CAPN3: variants seen among roughly 807,000 people sequenced by gnomAD.
CAPN3 encodes the protein calpain-3.
In CAPN3, 88 loss-of-function variants were observed where a neutral mutation model predicts 114.0. The observed-to-expected ratio is 0.77, with a 90% confidence interval of 0.65 to 0.92. The LOEUF (loss-of-function observed/expected upper bound fraction) is 0.92. Ranked by LOEUF, CAPN3 falls within the 40% of genes least tolerant of loss-of-function variation. The pLI, the probability that CAPN3 is intolerant of heterozygous loss-of-function variation, is 0.00. For synonymous variants in CAPN3, 386 were observed against 382.9 expected (o/e 1.01, Z -0.09); for missense variants, 1,028 against 1,069.0 (o/e 0.96, Z 0.53).
chr15:42,392,534 G>A, intron 6 of CAPN3, 105 bp from the exon 7 acceptor site: 2 of 843,106 alleles, frequency 2.4e-6, no homozygotes, highest in South Asian at 1.4e-5. Context: ...AGAGTGGTCT[G>A]TGTCTTCACA....
rs368818638 is a variant in CAPN3 at position 42,380,493 on chromosome 15, A to G, written c.310-3990A>G. Among the ~76,000 whole-genome samples, 391 of 139,122 alleles carry G rather than the reference A, an allele frequency of 2.8e-3. 3 individuals are homozygous for G. Among genetic ancestry groups the G allele is most frequent in the African/African-American group, 9.1e-3 (337 of 36,958 alleles). 91.3% of individuals were successfully genotyped at this position (139,122 alleles called of 152,430 possible). A position where few individuals can be genotyped will look rare whatever the true frequency, so the allele number is the denominator to read the frequency against. Reference sequence around the variant, plus strand: ...CCTCTTGAGCTCAAGCAATCCTCCTATCTCAGCCTCCTGAGTAGCTGGGAC... The same window carrying G: ...CCTCTTGAGCTCAAGCAATCCTCCTGTCTCAGCCTCCTGAGTAGCTGGGAC... On this transcript the variant is annotated intron_variant, in intron 1 of 23. Coordinates refer to ENST00000397163, the MANE Select transcript of CAPN3 (RefSeq NM_000070.3).
At chr15:42,399,999 G>A (rs146226841) in intron 10 of CAPN3, among the ~76,000 whole-genome samples, 3 of 152,112 alleles carry the variant, frequency 2.0e-5, no homozygotes, top group African/African-American at 7.2e-5. Flanking sequence ...AAACATGCTC[G>A]GAACACTGAC....
At chr15:42,373,330 G>A (rs1478499359) in intron 1 of CAPN3, among the ~76,000 whole-genome samples, 1 of 152,236 alleles carries the variant, frequency 6.6e-6, no homozygotes, top group East Asian at 1.9e-4. Context: ...CTGGGAATCT[G>A]TATTTTCAAC....
intron 1 of CAPN3, among the ~76,000 whole-genome samples, chr15:42,375,320 T>C (rs1197686228): frequency 1.3e-5 from 2 of 152,110 alleles, no homozygotes; most frequent in Non-Finnish European, 2.9e-5. Context: ...TGTTCATTCA[T>C]GTGCTGTCGC....
At chr15:42,361,952 C>T (rs189934704) in intron 1 of CAPN3, among the ~76,000 whole-genome samples, 131 of 152,342 alleles carry the variant, frequency 8.6e-4, no homozygotes, top group African/African-American at 3.1e-3. Context: ...CTGATTTCCT[C>T]TCACTGAGAG....
At chr15:42,379,351 ATG>A (rs1229496692) in intron 1 of CAPN3, among the ~76,000 whole-genome samples, 1 of 152,116 alleles carries the variant, frequency 6.6e-6, no homozygotes, top group Non-Finnish European at 1.5e-5. Context: ...ATGGCTCAGA[ATG>A]TGTTCTGTCT....
intron 16 of CAPN3, 150 bp from the exon 17 acceptor site, chr15:42,409,153 A>G: frequency 1.4e-6 from 1 of 708,108 alleles, no homozygotes. Context: ...ATCTCACTCC[A>G]GCTCACCAGG....
chr15:42,366,909 C>G (rs1474665825), intron 1 of CAPN3, among the ~76,000 whole-genome samples: 1 of 149,074 alleles, frequency 6.7e-6, no homozygotes, highest in African/African-American at 2.5e-5. Flanking sequence ...GCTCAGCTCA[C>G]TGCAACCTCC....
chr15:42,399,515 A>G lies in CAPN3; in HGVS notation c.1217A>G (p.Tyr406Cys). 6.2e-7 allele frequency: 1 copy of G among 1,613,596 alleles called. No homozygotes were observed. The highest frequency in any genetic ancestry group is 1.1e-5 in the South Asian group (1 of 91,058). The change falls in exon 10 of 24, where the codon TAC (tyrosine) becomes TGC (cysteine). Residue 406 changes from tyrosine to cysteine, a missense_variant. By Grantham distance (194) the Tyr-to-Cys change is radical. Transcript: ENST00000397163. ...AGGATGTCCTATGAGGATTTCATCT[A>G]CCATTTCACAAAGTTGGAGATCTGC... is the stretch of plus-strand genomic sequence containing the variant. ...EFWMSYEDFI[Y>C]HFTKLEICNL...
At chr15:42,404,905 G>A (rs778427279) in intron 14 of CAPN3, 46 of 1,020,062 alleles carry the variant, frequency 4.5e-5, no homozygotes, top group Non-Finnish European at 5.4e-5. Flanking sequence ...TCGGTGTGCA[G>A]TATTGATCAG....
chr15:42,360,201 T>C (rs2052604905), intron 1 of CAPN3, 87 bp downstream of exon 1: 1 of 1,408,414 alleles, frequency 7.1e-7, no homozygotes, highest in Non-Finnish European at 1.0e-6. Context: ...GCTGTGCACA[T>C]GGGCACTGGG....
chr15:42,360,656 AAGAG>A lies in CAPN3; in HGVS notation c.309+550_309+553del, dbSNP rs28364373. ...TTTCATGCATAAAATGTTGGGGTTAAAGAGAGAGAGACCTAGCAATCGCTTTTGT... is the reference window on the plus strand; with the variant it reads ...TTTCATGCATAAAATGTTGGGGTTAAAGAGAGACCTAGCAATCGCTTTTGT... On this transcript the variant is annotated intron_variant, in intron 1 of 23. Coordinates refer to ENST00000397163, the MANE Select transcript of CAPN3 (RefSeq NM_000070.3). Among the ~76,000 whole-genome samples, 6 of 152,306 alleles carry A rather than the reference AAGAG, an allele frequency of 3.9e-5. No individual in the cohort carries two copies. In the South Asian group the frequency reaches 6.2e-4, roughly 16 times the overall value.
At position 42,411,598 on chromosome 15, in the gene CAPN3, A is replaced by T. The variant is rs2054239347; in HGVS notation, c.2440-149A>T. ...CTTAGGGAAGATCTAGGAGAAAGGAAACAGTAAGCCACTGCTTCTTGGAAA... is the reference window on the plus strand; with the variant it reads ...CTTAGGGAAGATCTAGGAGAAAGGATACAGTAAGCCACTGCTTCTTGGAAA... On this transcript the variant is annotated intron_variant, in intron 23 of 23. Coordinates refer to ENST00000397163, the MANE Select transcript of CAPN3 (RefSeq NM_000070.3). 17 of 731,416 alleles carry T rather than the reference A, an allele frequency of 2.3e-5. 1 individual carries two copies. The South Asian group carries it at 2.5e-4, about 11-fold the overall frequency. 45.3% of individuals were successfully genotyped at this position (731,416 alleles called of 1,614,324 possible).
At position 42,409,787 on chromosome 15, in the gene CAPN3, G is replaced by A; in HGVS notation, c.1993G>A (p.Asp665Asn). Residue 665 changes from aspartate (D) to asparagine (N), a missense_variant and splice_region_variant, in exon 18 of 24, where the codon GAC (aspartate) becomes AAC (asparagine). Asp to Asn is a conservative substitution (Grantham distance 23). Transcript: ENST00000397163. ...GACCCTCCTCTCCCTTCCTCCTCAG[G>A]ACATGGAGATCTGTGCAGATGAGCT... The part of the protein sequence containing the change: ...RNIFKQIAGD[D>N]MEICADELKK... 6.3e-7 allele frequency: 1 copy of A among 1,590,460 alleles called. No individual in the cohort carries two copies. Among genetic ancestry groups the A allele is most frequent in the Non-Finnish European group, 8.6e-7 (1 of 1,167,584 alleles).
intron 1 of CAPN3, 38 bp from the exon 2 acceptor site, chr15:42,384,445 T>C: frequency 6.9e-7 from 1 of 1,439,944 alleles, no homozygotes; most frequent in Non-Finnish European, 9.8e-7. Context: ...GTCTATCTAC[T>C]GTTATTCTTA....
chr15:42,405,503 G>A (rs1595841445), intron 14 of CAPN3, among the ~76,000 whole-genome samples: 1 of 151,952 alleles, frequency 6.6e-6, no homozygotes, highest in Non-Finnish European at 1.5e-5. Flanking sequence ...GTCGAGATGG[G>A]GTTTCACCAT....
At chr15:42,390,188 C>G in intron 6 of CAPN3, 92 bp downstream of exon 6, 1 of 1,403,630 alleles carries the variant, frequency 7.1e-7, no homozygotes, top group Non-Finnish European at 1.0e-6. Flanking sequence ...CAGCCAGGGC[C>G]TTACCCACAC....
chr15:42,396,795 A>G lies in CAPN3; in HGVS notation c.1116-5A>G, dbSNP rs28364467. On this transcript the variant is annotated splice_polypyrimidine_tract_variant and splice_region_variant and intron_variant, in intron 8 of 23. Coordinates refer to ENST00000397163, the MANE Select transcript of CAPN3 (RefSeq NM_000070.3). ...GCTTCCTTAATTCCTCCATTTTCCCACCAGATGGAAGGACTGGAGCTTTGT... is the reference window on the plus strand; with the variant it reads ...GCTTCCTTAATTCCTCCATTTTCCCGCCAGATGGAAGGACTGGAGCTTTGT... 3,140 of 1,611,658 alleles carry G rather than the reference A, an allele frequency of 1.9e-3. 58 individuals are homozygous for G. The African/African-American group carries it at 0.038, about 20-fold the overall frequency.
intron 3 of CAPN3, 130 bp downstream of exon 3, chr15:42,386,415 A>G: frequency 1.3e-6 from 1 of 773,178 alleles, no homozygotes; most frequent in Admixed American, 1.7e-5. Context: ...GTCGGCATGG[A>G]CCCCCTTAAG....
Sources: allele counts gnomAD v4.1 joint callset (sites outside exome capture counted in the v4.1 genomes callset), GRCh38; gene constraint gnomAD v4.1.1; transcripts MANE v1.5; gene names NCBI Gene and HGNC (gene_info 2026-07-23, HGNC 2026-07-21).